GPC5: variants seen among roughly 807,000 people sequenced by gnomAD.
The protein encoded by GPC5 is glypican 5, also known as glypican-5.
Under a neutral mutation model 53.9 loss-of-function variants are expected in GPC5, and 47 were observed. The ratio of observed to expected loss-of-function variants is 0.87; its 90% CI spans 0.69 to 1.11. The LOEUF (loss-of-function observed/expected upper bound fraction) is 1.11. Ranked by LOEUF, GPC5 falls within the 50% of genes most tolerant of loss-of-function variation. The probability of loss-of-function intolerance (pLI) is 0.00; values close to 1 mark genes in which losing one functional copy is unlikely to be tolerated. For missense variants in GPC5, 748 were observed against 713.1 expected, an observed-to-expected ratio of 1.05 and a Z score of -0.56; for synonymous variants, 286 against 263.3, an observed-to-expected ratio of 1.09 and a Z score of -0.84.
At chr13:91,951,900 C>T (rs2040029010) in intron 6 of GPC5, among the ~76,000 whole-genome samples, 1 of 152,036 alleles carries the variant, frequency 6.6e-6, no homozygotes, top group Non-Finnish European at 1.5e-5. Flanking sequence ...TTACTACTTC[C>T]AACAAGAAAG....
At chr13:91,421,294 A>G (rs1878611734) in intron 1 of GPC5, among the ~76,000 whole-genome samples, 2 of 152,206 alleles carry the variant, frequency 1.3e-5, no homozygotes, top group South Asian at 4.1e-4. Context: ...TTATTTTGGG[A>G]TGTGATGGTC....
intron 7 of GPC5, among the ~76,000 whole-genome samples, chr13:92,698,347 T>C (rs1435722577): frequency 6.6e-6 from 1 of 151,860 alleles, no homozygotes; most frequent in East Asian, 1.9e-4. Context: ...CACTGGTGTG[T>C]GATGTTCCCC....
chr13:92,051,819 C>A (rs571632967), intron 6 of GPC5, among the ~76,000 whole-genome samples: 1 of 152,226 alleles, frequency 6.6e-6, no homozygotes, highest in East Asian at 1.9e-4. Flanking sequence ...CTTTCTGGAC[C>A]ACCCTCTAGA....
chr13:92,053,250 G>A (rs184015168), intron 6 of GPC5, among the ~76,000 whole-genome samples: 1 of 152,270 alleles, frequency 6.6e-6, no homozygotes, highest in Admixed American at 6.5e-5. Flanking sequence ...GCTTATGTTA[G>A]GCGTCAGGCA....
At chr13:92,655,616 T>C (rs1406487975) in intron 7 of GPC5, among the ~76,000 whole-genome samples, 9 of 152,156 alleles carry the variant, frequency 5.9e-5, no homozygotes, top group African/African-American at 2.2e-4. Flanking sequence ...GCTGGGGTTA[T>C]AGGCGTGAGC....
At position 92,246,517 on chromosome 13, in the gene GPC5, A is replaced by G. The variant is rs1313973988; in HGVS notation, c.1561+101528A>G. On this transcript the variant is annotated intron_variant, in intron 7 of 7. Transcript: ENST00000377067. ...CCAATAAGCCACACCCCATCTTTAC[A>G]AACCATCCTGTCAGTAGATATTATT... is the stretch of plus-strand genomic sequence containing the variant. Among the ~76,000 whole-genome samples, 4 of 152,108 alleles carry G rather than the reference A, an allele frequency of 2.6e-5. No homozygotes were observed. The East Asian group carries it at 5.8e-4, about 22-fold the overall frequency.
intron 5 of GPC5, among the ~76,000 whole-genome samples, chr13:91,757,288 C>T (rs1165199973): frequency 6.6e-6 from 1 of 152,044 alleles, no homozygotes; most frequent in African/African-American, 2.4e-5. Flanking sequence ...TTTATTTGTA[C>T]ATTTTACATT....
At chr13:92,517,530 C>T (rs888903609) in intron 7 of GPC5, among the ~76,000 whole-genome samples, 19 of 152,182 alleles carry the variant, frequency 1.2e-4, no homozygotes, top group Middle Eastern at 3.4e-3. Flanking sequence ...CTGTTATATT[C>T]GCTGTTCTGC....
intron 3 of GPC5, among the ~76,000 whole-genome samples, chr13:91,708,274 T>A (rs964467535): frequency 6.8e-6 from 1 of 146,738 alleles, no homozygotes; most frequent in Non-Finnish European, 1.5e-5. Context: ...TTTGTTTTTG[T>A]TTTTTTTTTG....
chr13:91,872,351 ATATAACT>A (rs1594631750), intron 5 of GPC5, among the ~76,000 whole-genome samples: 1 of 152,314 alleles, frequency 6.6e-6, no homozygotes, highest in South Asian at 2.1e-4. Flanking sequence ...AAAAAATAAA[ATATAACT>A]TATAAGAGCC....
intron 6 of GPC5, among the ~76,000 whole-genome samples, chr13:91,934,089 G>C (rs1436149715): frequency 6.6e-6 from 1 of 151,654 alleles, no homozygotes; most frequent in African/African-American, 2.4e-5. Flanking sequence ...AGTTATTAAG[G>C]AATTTATTTT....
intron 5 of GPC5, among the ~76,000 whole-genome samples, chr13:91,813,212 T>C (rs1424804109): frequency 1.3e-5 from 2 of 152,226 alleles, no homozygotes; most frequent in Non-Finnish European, 2.9e-5. Flanking sequence ...TATGTGTGCA[T>C]GTTTATTTTT....
intron 3 of GPC5, among the ~76,000 whole-genome samples, chr13:91,721,574 A>G (rs1410209874): frequency 1.3e-5 from 2 of 152,138 alleles, no homozygotes; most frequent in Non-Finnish European, 2.9e-5. Context: ...TTAGAACACA[A>G]ATTTAGCCCT....
chr13:92,118,433 C>T (rs2138939482), intron 6 of GPC5, among the ~76,000 whole-genome samples: 1 of 152,224 alleles, frequency 6.6e-6, no homozygotes, highest in South Asian at 2.1e-4. Context: ...GAGAGAGATT[C>T]TCTCTCTCGA....
intron 7 of GPC5, among the ~76,000 whole-genome samples, chr13:92,818,386 ATTCT>A (rs1877556365): frequency 2.0e-5 from 3 of 152,156 alleles, no homozygotes; most frequent in Middle Eastern, 3.4e-3. Context: ...TTAAAAAATA[ATTCT>A]TTATTAAAAC....
chr13:92,832,992 T>C (rs567713914), intron 7 of GPC5, among the ~76,000 whole-genome samples: 3 of 152,034 alleles, frequency 2.0e-5, no homozygotes, highest in Non-Finnish European at 4.4e-5. Context: ...GGTGACAGAG[T>C]GAGACTGCGT....
chr13:92,250,146 G>A (rs983353456), intron 7 of GPC5, among the ~76,000 whole-genome samples: 2 of 151,936 alleles, frequency 1.3e-5, no homozygotes, highest in Admixed American at 1.3e-4. Flanking sequence ...GCAATTCAAT[G>A]ATACATGCTC....
chr13:92,324,385 A>G (rs772773491), intron 7 of GPC5, among the ~76,000 whole-genome samples: 5 of 151,942 alleles, frequency 3.3e-5, no homozygotes, highest in Non-Finnish European at 5.9e-5. Flanking sequence ...GGACAAAATG[A>G]CGTGCATGGT....
At chr13:92,700,784 A>G (rs1045262971) in intron 7 of GPC5, among the ~76,000 whole-genome samples, 1 of 152,092 alleles carries the variant, frequency 6.6e-6, no homozygotes, top group Non-Finnish European at 1.5e-5. Flanking sequence ...TTCTTGCCTC[A>G]TGATAGAAAA....
Sources: gnomAD v4.1 joint callset for allele counts (sites outside exome capture counted in the v4.1 genomes callset) on GRCh38, gnomAD v4.1.1 for gene constraint, MANE v1.5 for transcripts, NCBI Gene and HGNC (gene_info 2026-07-23, HGNC 2026-07-21) for gene names.